The following PTPRQ variants were observed in gnomAD, a reference collection of about 807,000 sequenced individuals.
PTPRQ encodes the protein phosphatidylinositol phosphatase PTPRQ.
Under a neutral mutation model 246.0 loss-of-function variants are expected in PTPRQ, and 199 were observed. That is an observed-to-expected ratio of 0.81 (90% confidence interval 0.72 to 0.91). PTPRQ has a LOEUF of 0.91. Ranked by LOEUF, PTPRQ falls within the 40% of genes least tolerant of loss-of-function variation. The pLI is 0.00. For missense variants in PTPRQ, 2,624 were observed against 2,528.4 expected (o/e 1.04, Z -0.81); for synonymous variants, 869 against 853.2 (o/e 1.02, Z -0.32).
At chr12:80,499,145 AC>A (rs1364476107) in intron 14 of PTPRQ, among the ~76,000 whole-genome samples, 1 of 151,848 alleles carries the variant, frequency 6.6e-6, no homozygotes, top group East Asian at 1.9e-4. Context: ...AGGCCTCCTG[AC>A]CCCCATTACA....
intron 35 of PTPRQ, among the ~76,000 whole-genome samples, chr12:80,640,111 A>G (rs1163035): frequency 0.018 from 2,761 of 151,920 alleles, 72 homozygotes; most frequent in African/African-American, 0.064. Context: ...ACTTTCTTAA[A>G]TAGACAAAGA....
chr12:80,561,155 G>A (rs1410126995), intron 25 of PTPRQ: 1 of 152,162 alleles, frequency 6.6e-6, no homozygotes, highest in Non-Finnish European at 1.5e-5. Context: ...TTGGTCCTTT[G>A]AGAAACACAT....
rs778031757 is a variant in PTPRQ at position 80,542,291 on chromosome 12, C to A, written c.3648C>A (p.Ser1216Arg). ...LEELSPFTLY[S>R]FFAAARTRKG... ...AGCTTTCACCATTTACATTATATAGCTTTTTTGCTGCCGCAAGAACTAGAA... is the reference window on the plus strand; with the variant it reads ...AGCTTTCACCATTTACATTATATAGATTTTTTGCTGCCGCAAGAACTAGAA... Residue 1216 changes from serine (S) to arginine (R), a missense_variant, in exon 22 of 45, where the codon AGC becomes AGA. Transcript: ENST00000644991. 2.6e-6 allele frequency: 4 copies of A among 1,549,718 alleles called. No individual in the cohort carries two copies. In the African/African-American group the frequency reaches 4.1e-5, roughly 16 times the overall value.
intron 17 of PTPRQ, among the ~76,000 whole-genome samples, chr12:80,515,573 A>G (rs1031155580): frequency 2.0e-5 from 3 of 151,716 alleles, no homozygotes; most frequent in Non-Finnish European, 4.4e-5. Flanking sequence ...GGTGCCCATT[A>G]CCACACCTAG....
chr12:80,475,975 T>G (rs1056802624), intron 8 of PTPRQ, among the ~76,000 whole-genome samples: 3 of 152,112 alleles, frequency 2.0e-5, no homozygotes, highest in Non-Finnish European at 4.4e-5. Context: ...TGACTTGAAC[T>G]GATCATTTCA....
At position 80,620,094 on chromosome 12, in the gene PTPRQ, A is replaced by G. The variant is rs375508729; in HGVS notation, c.5390-60A>G. On this transcript the variant is annotated intron_variant, in intron 31 of 44. Coordinates refer to ENST00000644991, the MANE Select transcript of PTPRQ (RefSeq NM_001145026.2). ...TACAATTATAAAAACACTATTTATA[A>G]TTGTAAAAATATATTCATATGTTAC... 6 of 1,475,354 alleles carry G rather than the reference A, an allele frequency of 4.1e-6. No homozygotes were observed. In the East Asian group the frequency reaches 1.2e-4, roughly 31 times the overall value. 91.4% of individuals were successfully genotyped at this position (1,475,354 alleles called of 1,614,324 possible). A position where few individuals can be genotyped will look rare whatever the true frequency, so the allele number is the denominator to read the frequency against.
intron 35 of PTPRQ, among the ~76,000 whole-genome samples, 156 bp from the exon 36 acceptor site, chr12:80,648,741 A>T (rs1900159552): frequency 6.6e-6 from 1 of 152,150 alleles, no homozygotes. Flanking sequence ...TTTCAAAAAA[A>T]TAAATAAAAT....
At chr12:80,460,167 T>A (rs1257497061) in intron 5 of PTPRQ, among the ~76,000 whole-genome samples, 1 of 152,210 alleles carries the variant, frequency 6.6e-6, no homozygotes, top group Non-Finnish European at 1.5e-5. Flanking sequence ...AAATACTTTA[T>A]AAAAGTCTAA....
At chr12:80,557,977 T>A (rs972315079) in intron 25 of PTPRQ, among the ~76,000 whole-genome samples, 6 of 151,964 alleles carry the variant, frequency 3.9e-5, no homozygotes, top group African/African-American at 1.2e-4. Context: ...GTATGTAACC[T>A]TTTTTACCCA....
At chr12:80,517,337 A>G (rs1317310598) in intron 17 of PTPRQ, among the ~76,000 whole-genome samples, 1 of 152,068 alleles carries the variant, frequency 6.6e-6, no homozygotes, top group African/African-American at 2.4e-5. Context: ...CGTGATTCCC[A>G]TCACACCCTC....
chr12:80,525,204 C>G (rs1895644337), intron 17 of PTPRQ, among the ~76,000 whole-genome samples: 1 of 152,046 alleles, frequency 6.6e-6, no homozygotes, highest in African/African-American at 2.4e-5. Context: ...GGTGGAAATC[C>G]TCAGAATCAA....
At chr12:80,514,373 TAC>T (rs372647668) in intron 17 of PTPRQ, among the ~76,000 whole-genome samples, 12,143 of 112,098 alleles carry the variant, frequency 0.11, 1,116 homozygotes, top group East Asian at 0.55. Context: ...GGCTTTATTT[TAC>T]ACACACACAC....
chr12:80,613,536 G>T, intron 28 of PTPRQ, 56 bp from the exon 29 acceptor site: 1 of 1,410,878 alleles, frequency 7.1e-7, no homozygotes. Context: ...AATTTATGTG[G>T]AGATAAAAAG....
rs151112699 is a variant in PTPRQ, at chr12:80,667,374, T to C, written c.6193-1633T>C. 7.6e-3 allele frequency among the ~76,000 whole-genome samples: 1,158 copies of C among 152,062 alleles called. 8 individuals are homozygous for C. Among genetic ancestry groups the C allele is most frequent in the African/African-American group, 0.027 (1,116 of 41,522 alleles). Reference sequence around the variant, plus strand: ...AATAAGCCAGGAACAGAAAAATAAATACCGCATATTCTCATGAAGTATTTA... The same window carrying C: ...AATAAGCCAGGAACAGAAAAATAAACACCGCATATTCTCATGAAGTATTTA... On this transcript the variant is annotated intron_variant, in intron 39 of 44. Coordinates refer to ENST00000644991, the MANE Select transcript of PTPRQ (RefSeq NM_001145026.2).
intron 25 of PTPRQ, among the ~76,000 whole-genome samples, chr12:80,580,223 C>A (rs912980468): frequency 6.6e-6 from 1 of 152,116 alleles, no homozygotes; most frequent in Non-Finnish European, 1.5e-5. Context: ...GATCTACAGA[C>A]CCTAATTTCA....
At position 80,496,293 on chromosome 12, in the gene PTPRQ, C is replaced by T. The variant is rs545505456; in HGVS notation, c.2034C>T (p.Thr678=). 1.2e-4 allele frequency: 188 copies of T among 1,550,536 alleles called. No homozygotes were observed. The Middle Eastern group carries it at 1.7e-3, about 14-fold the overall frequency. Residue 678 remains threonine (T), a synonymous_variant, in exon 14 of 45, where the codon ACC becomes ACT. Transcript: ENST00000644991. The part of the protein sequence containing the change: ...SPQDVEVIDV[T]ADEIRLKWSP... ...AAGATGTCGAAGTAATTGATGTTAC[C>T]GCAGATGAAATAAGGTTGAAGTGGT...
intron 14 of PTPRQ, among the ~76,000 whole-genome samples, chr12:80,499,130 A>AC (rs1894719004): frequency 6.6e-6 from 1 of 151,890 alleles, no homozygotes; most frequent in Non-Finnish European, 1.5e-5. Context: ...TTGGGGCTTG[A>AC]CTATAGGCCT....
intron 17 of PTPRQ, among the ~76,000 whole-genome samples, chr12:80,530,006 A>G (rs2120789935): frequency 6.6e-6 from 1 of 152,268 alleles, no homozygotes; most frequent in South Asian, 2.1e-4. Context: ...ATTGTGTAAC[A>G]TTTATATTCC....
chr12:80,570,132 G>T (rs557397412), intron 25 of PTPRQ, among the ~76,000 whole-genome samples: 2 of 152,014 alleles, frequency 1.3e-5, no homozygotes, highest in South Asian at 2.1e-4. Flanking sequence ...GGTATTTCTA[G>T]TTCTAGATCC....
Sources: gnomAD v4.1 joint callset for allele counts (sites outside exome capture counted in the v4.1 genomes callset) on GRCh38, gnomAD v4.1.1 for gene constraint, MANE v1.5 for transcripts, NCBI Gene and HGNC (gene_info 2026-07-23, HGNC 2026-07-21) for gene names.